SMC6: variants seen among roughly 807,000 people sequenced by gnomAD.
SMC6 encodes structural maintenance of chromosomes protein 6.
In SMC6, 79 loss-of-function variants were observed where a neutral mutation model predicts 142.2. The ratio of observed to expected loss-of-function variants is 0.56; its 90% CI spans 0.46 to 0.67. SMC6 has a LOEUF of 0.67. Among genes scored for constraint, SMC6 ranks in the 30% least tolerant of loss-of-function variants. SMC6 has a pLI of 0.00. For synonymous variants in SMC6, 411 were observed against 412.4 expected (o/e 1.00, Z 0.04); for missense variants, 1,072 against 1,284.0 (o/e 0.83, Z 2.52).
In SMC6 at chr2:17,700,254, A is replaced by G; in HGVS notation, c.2348T>C (p.Ile783Thr). The G allele has an allele frequency of 6.2e-7, 1 of 1,609,100 alleles. No individual in the cohort carries two copies. The highest frequency in any genetic ancestry group is 8.5e-7 in the Non-Finnish European group (1 of 1,177,840). ...CGATAGTTGATTAATTTTGAATTTA[A>G]TTGCATCATACTTATTTTCTGCTTC... ...KIEAENKYDA[I>T]KFKINQLSEL... is the part of the protein sequence containing the mutation. The change falls in exon 21 of 28, where the codon ATT becomes ACT. Residue 783 changes from isoleucine (I) to threonine (T), a missense_variant. By Grantham distance (89) the Ile-to-Thr change is moderately conservative. This residue lies in a region of SMC6 where 994 missense variants were observed against 1,153.2 expected (regional missense o/e 0.86). Transcript: ENST00000448223.
In SMC6 at chr2:17,700,217, G is replaced by T. The variant is rs1287067083; in HGVS notation, c.2385C>A (p.Asp795Glu). The change falls in exon 21 of 28, where the codon GAC (aspartate) becomes GAA (glutamate). Residue 795 changes from aspartate (D) to glutamate (E), a missense_variant. Asp to Glu is a conservative substitution (Grantham distance 45, BLOSUM62 2). This residue lies in a region of SMC6 where 994 missense variants were observed against 1,153.2 expected (regional missense o/e 0.86). Coordinates refer to ENST00000448223, the MANE Select transcript of SMC6 (RefSeq NM_001142286.2). ...TACCAAAAATATATACCTTAAGTGGGTCTGCTAGCTCCGATAGTTGATTAA... is the reference window on the plus strand; with the variant it reads ...TACCAAAAATATATACCTTAAGTGGTTCTGCTAGCTCCGATAGTTGATTAA... The part of the protein sequence containing the change: ...FKINQLSELA[D>E]PLKDELNLAD... The T allele has an allele frequency of 6.9e-6, 11 of 1,599,136 alleles. No individual in the cohort carries two copies. The highest frequency in any genetic ancestry group is 2.3e-5 in the South Asian group (2 of 88,714).
chr2:17,738,546 A>G (rs547769421), intron 4 of SMC6, among the ~76,000 whole-genome samples: 13 of 152,348 alleles, frequency 8.5e-5, no homozygotes, highest in Admixed American at 1.3e-4. Context: ...AAAATAGTAC[A>G]TTTCAGGAAT....
chr2:17,683,542 T>A, intron 24 of SMC6, 96 bp downstream of exon 24: 2 of 1,124,394 alleles, frequency 1.8e-6, no homozygotes, highest in South Asian at 3.4e-5. Context: ...AAAGCAAGCA[T>A]TAATAGTCTC....
chr2:17,724,009 A>G (rs551994840), intron 9 of SMC6, among the ~76,000 whole-genome samples: 6 of 152,324 alleles, frequency 3.9e-5, no homozygotes, highest in African/African-American at 1.4e-4. Flanking sequence ...CATAATTACA[A>G]TATCTTTAAT....
chr2:17,695,396 T>A, intron 22 of SMC6, 99 bp from the exon 23 acceptor site: 3 of 929,216 alleles, frequency 3.2e-6, no homozygotes, highest in South Asian at 1.8e-5. Flanking sequence ...TCTGAACTCA[T>A]TTTTAAGAAA....
At chr2:17,722,110 T>A (rs1669399209) in intron 9 of SMC6, among the ~76,000 whole-genome samples, 1 of 152,066 alleles carries the variant, frequency 6.6e-6, no homozygotes, top group Non-Finnish European at 1.5e-5. Flanking sequence ...ATTTTCAAAA[T>A]TCTTTCAATC....
intron 23 of SMC6, among the ~76,000 whole-genome samples, chr2:17,687,235 T>C (rs575414979): frequency 6.6e-6 from 1 of 152,340 alleles, no homozygotes; most frequent in East Asian, 1.9e-4. Flanking sequence ...AGCACTTATA[T>C]GATGCCACAA....
At chr2:17,710,483 C>T (rs1413365538) in intron 16 of SMC6, among the ~76,000 whole-genome samples, 1 of 152,062 alleles carries the variant, frequency 6.6e-6, no homozygotes, top group African/African-American at 2.4e-5. Context: ...ATCTGTAAAG[C>T]CATGCAATCA....
intron 20 of SMC6, 89 bp downstream of exon 20, chr2:17,701,740 A>G: frequency 1.3e-6 from 1 of 770,176 alleles, no homozygotes; most frequent in Non-Finnish European, 2.1e-6. Flanking sequence ...AATTAAAAGA[A>G]CTTTCTAAAA....
chr2:17,694,702 A>T (rs1667908326), intron 23 of SMC6, among the ~76,000 whole-genome samples: 1 of 146,992 alleles, frequency 6.8e-6, no homozygotes, highest in African/African-American at 2.6e-5. Context: ...AAATCAAGAT[A>T]CTCTTTCTTC....
intron 4 of SMC6, among the ~76,000 whole-genome samples, chr2:17,740,037 A>G (rs771062441): frequency 2.6e-5 from 4 of 152,074 alleles, no homozygotes; most frequent in African/African-American, 4.8e-5. Context: ...CCACTGATTA[A>G]CCCAATTTAT....
chr2:17,713,951 C>T (rs752472742), intron 16 of SMC6, among the ~76,000 whole-genome samples: 16 of 152,114 alleles, frequency 1.1e-4, no homozygotes, highest in Non-Finnish European at 1.6e-4. Flanking sequence ...TAATTACACA[C>T]ACTAATTTAC....
chr2:17,679,086 A>G, intron 24 of SMC6, 122 bp from the exon 25 acceptor site: 2 of 619,098 alleles, frequency 3.2e-6, no homozygotes, highest in East Asian at 5.9e-5. Context: ...AACATTGGTT[A>G]CTCATTTAAT....
intron 23 of SMC6, 133 bp downstream of exon 23, chr2:17,695,019 G>A (rs1287806793): frequency 8.7e-6 from 8 of 917,730 alleles, no homozygotes; most frequent in Non-Finnish European, 1.4e-5. Context: ...CACATATAAA[G>A]GACTACTTCA....
At chr2:17,746,193 C>T (rs1276112998) in intron 2 of SMC6, 6 of 335,666 alleles carry the variant, frequency 1.8e-5, no homozygotes, top group Middle Eastern at 8.5e-4. Context: ...CATAGCCCTA[C>T]TGACATCTGG....
chr2:17,730,957 T>C, intron 7 of SMC6, 121 bp downstream of exon 7: 1 of 749,878 alleles, frequency 1.3e-6, no homozygotes, highest in Non-Finnish European at 2.3e-6. Context: ...TAGTTACACA[T>C]ATGCTTCCTG....
At chr2:17,667,493 A>C (rs1045702596) in intron 26 of SMC6, among the ~76,000 whole-genome samples, 3 of 152,214 alleles carry the variant, frequency 2.0e-5, no homozygotes, top group African/African-American at 7.2e-5. Context: ...AATTCCCTTG[A>C]AAATTCCTAA....
chr2:17,753,053 T>G lies in SMC6; in HGVS notation c.-81A>C. The G allele has an allele frequency of 4.1e-6, 4 of 983,998 alleles. No homozygotes were observed. Among genetic ancestry groups the G allele is most frequent in the Non-Finnish European group, 4.8e-6 (4 of 828,634 alleles). 61.0% of individuals were successfully genotyped at this position (983,998 alleles called of 1,614,324 possible). On this transcript the variant is annotated 5_prime_UTR_variant, in exon 2 of 28. Transcript: ENST00000448223. The stretch of plus-strand genomic sequence containing the variant: ...CCGCAATTCCCAATTGGGATTCTTC[T>G]CCGGTTCATTTCTGTAAGAAATGAG...
In SMC6 at chr2:17,714,959, G is replaced by A; in HGVS notation, c.1632C>T (p.Val544=). 1 of 1,613,970 alleles carries A rather than the reference G, an allele frequency of 6.2e-7. No individual in the cohort carries two copies. The highest frequency in any genetic ancestry group is 8.5e-7 in the Non-Finnish European group (1 of 1,179,942). ...AAAACCTTTTCATGAGTGCCTGAAG[G>A]ACCCTTTCATCAGCATGATTATGGC... ...YCCHNHADER[V]LQALMKRFYL... is the part of the protein sequence containing the mutation. Residue 544 remains valine (V), a synonymous_variant, in exon 16 of 28, where the codon GTC becomes GTT. Coordinates refer to ENST00000448223, the MANE Select transcript of SMC6 (RefSeq NM_001142286.2).
Sources: gnomAD v4.1 joint callset for allele counts (sites outside exome capture counted in the v4.1 genomes callset) on GRCh38, gnomAD v4.1.1 for gene constraint, gnomAD v4.1.1 regional missense constraint, MANE v1.5 for transcripts, NCBI Gene and HGNC (gene_info 2026-07-23, HGNC 2026-07-21) for gene names.